Variants in IMPG1 observed in about 807,000 individuals in gnomAD.
IMPG1 encodes interphotoreceptor matrix proteoglycan 1.
Under a neutral mutation model 92.0 loss-of-function variants are expected in IMPG1, and 85 were observed. The ratio of observed to expected loss-of-function variants is 0.92; its 90% CI spans 0.78 to 1.11. The LOEUF (loss-of-function observed/expected upper bound fraction) is 1.11. Among genes scored for constraint, IMPG1 ranks in the 50% least tolerant of loss-of-function variants. The pLI, the probability that IMPG1 is intolerant of heterozygous loss-of-function variation, is 0.00. For missense variants in IMPG1, 1,022 were observed against 956.0 expected (o/e 1.07, Z -0.91); for synonymous variants, 367 against 334.1 (o/e 1.10, Z -1.08).
intron 12 of IMPG1, among the ~76,000 whole-genome samples, chr6:75,985,148 T>G (rs1416387960): frequency 6.6e-6 from 1 of 152,256 alleles, no homozygotes; most frequent in Admixed American, 6.5e-5. Context: ...AACAATAGTT[T>G]GAGCCATTTG....
intron 7 of IMPG1, among the ~76,000 whole-genome samples, chr6:76,016,918 G>T (rs1783298908): frequency 6.6e-6 from 1 of 152,188 alleles, no homozygotes; most frequent in African/African-American, 2.4e-5. Context: ...AGAGGAAGGA[G>T]TAGAGATAGC....
Position 76,007,832 on chromosome 6 carries a change from C to T in IMPG1, c.867-332G>A, listed in dbSNP as rs76718899. On this transcript the variant is annotated intron_variant, in intron 8 of 16. Transcript: ENST00000369950. The stretch of plus-strand genomic sequence containing the variant: ...CATCTAAAAAGGCTGGAAATCTATC[C>T]TACATGTTTTACATTTTGGGGGGTA... Among the ~76,000 whole-genome samples, 5 of 152,204 alleles carry T rather than the reference C, an allele frequency of 3.3e-5. No homozygotes were observed. The East Asian group carries it at 7.7e-4, about 23-fold the overall frequency.
At chr6:75,974,337 TTC>T (rs1181587502) in intron 12 of IMPG1, among the ~76,000 whole-genome samples, 1 of 68,874 alleles carries the variant, frequency 1.5e-5, no homozygotes, top group Admixed American at 1.7e-4. Flanking sequence ...TTCCCTTTCT[TTC>T]TTTCTTTCTT....
intron 14 of IMPG1, among the ~76,000 whole-genome samples, chr6:75,932,325 AGAGTCAAAAC>A (rs1781680409): frequency 6.6e-6 from 1 of 152,230 alleles, no homozygotes; most frequent in Admixed American, 6.5e-5. Context: ...AATTAGAATT[AGAGTCAAAAC>A]GAGAGAATTT....
chr6:76,015,271 A>G (rs932304686), intron 7 of IMPG1, among the ~76,000 whole-genome samples: 89 of 152,308 alleles, frequency 5.8e-4, no homozygotes, highest in African/African-American at 2.1e-3. Context: ...GTGCTAATGC[A>G]GGCATTGGGC....
intron 1 of IMPG1, among the ~76,000 whole-genome samples, chr6:76,043,500 G>A (rs1783880456): frequency 1.3e-5 from 2 of 152,030 alleles, no homozygotes; most frequent in South Asian, 4.1e-4. Context: ...TTGGGCAGAG[G>A]TACATTCTTA....
intron 1 of IMPG1, among the ~76,000 whole-genome samples, chr6:76,048,986 G>T (rs1231331054): frequency 1.3e-5 from 2 of 152,130 alleles, no homozygotes; most frequent in African/African-American, 4.8e-5. Context: ...AAGAAAATGT[G>T]GTACTTATAT....
At chr6:75,943,120 G>A (rs1781861532) in intron 14 of IMPG1, among the ~76,000 whole-genome samples, 1 of 152,056 alleles carries the variant, frequency 6.6e-6, no homozygotes, top group Non-Finnish European at 1.5e-5. Flanking sequence ...TGTGAGTGAG[G>A]GTGGTGTTTG....
At chr6:75,943,662 G>A (rs770133387) in intron 14 of IMPG1, among the ~76,000 whole-genome samples, 19 of 152,208 alleles carry the variant, frequency 1.2e-4, no homozygotes, top group Non-Finnish European at 2.6e-4. Context: ...CCCAGCCCTG[G>A]ACCTTAGTGG....
At chr6:76,007,544 A>C (rs778652482) in intron 8 of IMPG1, 44 bp from the exon 9 acceptor site, 101 of 1,412,956 alleles carry the variant, frequency 7.1e-5, no homozygotes, top group Non-Finnish European at 4.5e-5. Flanking sequence ...AAGAGAAAAA[A>C]ATTTAATGAC....
At position 76,042,108 on chromosome 6, in the gene IMPG1, T is replaced by C. The variant is rs142873184; in HGVS notation, c.86A>G (p.Tyr29Cys). Residue 29 changes from tyrosine to cysteine, a missense_variant, in exon 2 of 17, where the codon TAC (tyrosine) becomes TGC (cysteine). Tyr to Cys is a radical substitution (Grantham distance 194). Around this residue, in one of 3 missense-constraint regions of IMPG1, gnomAD observed 681 missense variants for 583.6 expected, o/e 1.17. Transcript: ENST00000369950. ...GTCTATGTCTTTAGTTTCAGAATGG[T>C]ATATGTTAATGGAGATATCTGTAAA... is the stretch of plus-strand genomic sequence containing the variant. ...QGTKDISINI[Y>C]HSETKDIDNP... is the part of the protein sequence containing the mutation. The C allele has an allele frequency of 1.0e-5, 16 of 1,554,744 alleles. No homozygotes were observed. The highest frequency in any genetic ancestry group is 1.3e-5 in the Non-Finnish European group (15 of 1,125,982).
chr6:76,027,252 A>G (rs1352645253), intron 4 of IMPG1, among the ~76,000 whole-genome samples: 2 of 152,200 alleles, frequency 1.3e-5, no homozygotes, highest in Non-Finnish European at 1.5e-5. Context: ...TTGAGGTTAT[A>G]AACTGCTTTT....
At chr6:75,988,052 T>C (rs1263348433) in intron 12 of IMPG1, among the ~76,000 whole-genome samples, 4 of 152,222 alleles carry the variant, frequency 2.6e-5, no homozygotes, top group African/African-American at 4.8e-5. Flanking sequence ...TGCAAGTCTT[T>C]GCTATTGTGA....
chr6:75,993,745 G>A (rs1229146898), intron 12 of IMPG1, among the ~76,000 whole-genome samples: 1 of 152,122 alleles, frequency 6.6e-6, no homozygotes, highest in Non-Finnish European at 1.5e-5. Context: ...ATATTTTTAA[G>A]ATTTAAGATT....
intron 4 of IMPG1, among the ~76,000 whole-genome samples, chr6:76,028,810 C>T (rs1444898829): frequency 6.6e-6 from 1 of 152,000 alleles, no homozygotes; most frequent in Non-Finnish European, 1.5e-5. Flanking sequence ...CAGAGCGAGA[C>T]TCCGTCTCAA....
chr6:75,998,498 G>A (rs1235890907), intron 12 of IMPG1, among the ~76,000 whole-genome samples: 1 of 152,148 alleles, frequency 6.6e-6, no homozygotes, highest in Non-Finnish European at 1.5e-5. Flanking sequence ...TACCTAGATG[G>A]GCAATAAAAG....
At chr6:76,013,238 G>T (rs1033252682) in intron 7 of IMPG1, among the ~76,000 whole-genome samples, 1 of 151,890 alleles carries the variant, frequency 6.6e-6, no homozygotes, top group Non-Finnish European at 1.5e-5. Context: ...GTTTAGAATG[G>T]CATTTAAGAC....
chr6:76,006,458 G>A (rs950049947), intron 9 of IMPG1, among the ~76,000 whole-genome samples: 2 of 30,232 alleles, frequency 6.6e-5, no homozygotes, highest in Admixed American at 3.1e-4. Context: ...GGGTATGTGT[G>A]TATATACATA....
At chr6:75,960,726 G>T (rs1174572076) in intron 12 of IMPG1, among the ~76,000 whole-genome samples, 1 of 152,152 alleles carries the variant, frequency 6.6e-6, no homozygotes, top group Admixed American at 6.5e-5. Context: ...ATTAGACATA[G>T]TAGTGACACA....
Sources: allele counts gnomAD v4.1 joint callset (sites outside exome capture counted in the v4.1 genomes callset), GRCh38; gene constraint gnomAD v4.1.1; regional missense constraint gnomAD v4.1.1; transcripts MANE v1.5; gene names NCBI Gene and HGNC (gene_info 2026-07-23, HGNC 2026-07-21).